The following WDR72 variants were observed in gnomAD, a reference collection of about 807,000 sequenced individuals.
WDR72 encodes the protein WD repeat-containing protein 72.
Under a neutral mutation model 124.2 loss-of-function variants are expected in WDR72, and 120 were observed. That is an observed-to-expected ratio of 0.97 (90% CI 0.83 to 1.12). The LOEUF is 1.12. Among genes scored for constraint, WDR72 ranks in the 50% most tolerant of loss-of-function variants. The pLI is 0.00. For missense variants in WDR72, 1,387 were observed against 1,278.8 expected (o/e 1.08, Z -1.29); for synonymous variants, 452 against 441.7 (o/e 1.02, Z -0.29).
chr15:53,667,649 G>A (rs2015825978), intron 13 of WDR72, among the ~76,000 whole-genome samples: 1 of 152,034 alleles, frequency 6.6e-6, no homozygotes, highest in Non-Finnish European at 1.5e-5. Flanking sequence ...AAAATTCACT[G>A]TCTTTCTGAG....
At chr15:53,636,602 A>G (rs532947388) in intron 14 of WDR72, among the ~76,000 whole-genome samples, 116 of 152,330 alleles carry the variant, frequency 7.6e-4, no homozygotes, top group African/African-American at 2.7e-3. Flanking sequence ...TCAACTGTCT[A>G]TTCTTCATTA....
In WDR72 at chr15:53,582,797, T is replaced by A. The variant is rs180961969; in HGVS notation, c.3148+14282A>T. On this transcript the variant is annotated intron_variant, in intron 18 of 19. Transcript: ENST00000360509. The stretch of plus-strand genomic sequence containing the variant: ...AATGACTATTTTCAATTTATAAACA[T>A]CGTACATTCATCAAACTATATTTTT... Among the ~76,000 whole-genome samples the A allele has an allele frequency of 2.9e-4, 44 of 152,070 alleles. No individual in the cohort carries two copies. In the East Asian group the frequency reaches 8.3e-3, roughly 29 times the overall value.
chr15:53,538,157 T>C (rs1209780241), intron 18 of WDR72, among the ~76,000 whole-genome samples: 1 of 152,210 alleles, frequency 6.6e-6, no homozygotes, highest in Non-Finnish European at 1.5e-5. Context: ...TATGGTGATA[T>C]ACTTTACATA....
intron 18 of WDR72, among the ~76,000 whole-genome samples, chr15:53,525,410 G>A (rs1362468756): frequency 3.9e-5 from 6 of 152,004 alleles, no homozygotes; most frequent in Non-Finnish European, 5.9e-5. Flanking sequence ...CATTGCACTT[G>A]CCATCCAACA....
At chr15:53,644,404 A>G (rs2014967181) in intron 14 of WDR72, among the ~76,000 whole-genome samples, 1 of 152,092 alleles carries the variant, frequency 6.6e-6, no homozygotes, top group Admixed American at 6.6e-5. Flanking sequence ...GAAACCAGTA[A>G]CTATTTTTTA....
intron 1 of WDR72, among the ~76,000 whole-genome samples, chr15:53,744,880 G>A (rs532491821): frequency 2.0e-5 from 3 of 152,296 alleles, no homozygotes; most frequent in African/African-American, 7.2e-5. Flanking sequence ...TGCTCTGGAA[G>A]AAGTATATTC....
At chr15:53,616,522 C>T (rs140191525) in intron 14 of WDR72, among the ~76,000 whole-genome samples, 16 of 151,842 alleles carry the variant, frequency 1.1e-4, no homozygotes, top group African/African-American at 3.9e-4. Context: ...AGATTAACAT[C>T]CTTTAATATA....
chr15:53,703,511 A>C (rs2017248194), intron 11 of WDR72, among the ~76,000 whole-genome samples: 1 of 151,754 alleles, frequency 6.6e-6, no homozygotes, highest in Non-Finnish European at 1.5e-5. Context: ...CAGATGTTAC[A>C]TCTGAAAATT....
In WDR72 at chr15:53,733,080, T is replaced by C. The variant is rs765315707; in HGVS notation, c.70A>G (p.Met24Val). Reference protein sequence around the residue: ...KAPPHSITAIMITDDQRTIVT... With the variant: ...KAPPHSITAIVITDDQRTIVT... ...ATCGTTCGCTGGTCATCAGTGATCA[T>C]GATGGCAGTGATGCTGTGGGGAGGG... The change falls in exon 2 of 20, where the codon ATG becomes GTG. Residue 24 changes from methionine (M) to valine (V), a missense_variant. By Grantham distance (21) the Met-to-Val change is conservative (BLOSUM62 1). Transcript: ENST00000360509. The C allele has an allele frequency of 6.2e-7, 1 of 1,614,082 alleles. No individual in the cohort carries two copies. The highest frequency in any genetic ancestry group is 8.5e-7 in the Non-Finnish European group (1 of 1,179,970).
At chr15:53,595,197 G>T (rs2012713540) in intron 18 of WDR72, among the ~76,000 whole-genome samples, 1 of 151,958 alleles carries the variant, frequency 6.6e-6, no homozygotes, top group African/African-American at 2.4e-5. Context: ...GGCAAAAAAA[G>T]GACTATTCAA....
intron 14 of WDR72, among the ~76,000 whole-genome samples, chr15:53,619,372 C>A (rs566279441): frequency 6.6e-6 from 1 of 151,366 alleles, no homozygotes; most frequent in East Asian, 2.0e-4. Context: ...TTTGTGAATA[C>A]CAGGTATCCA....
intron 19 of WDR72, among the ~76,000 whole-genome samples, chr15:53,518,879 T>A (rs1397992752): frequency 2.6e-5 from 4 of 151,920 alleles, no homozygotes; most frequent in African/African-American, 9.7e-5. Flanking sequence ...TTGACAATGA[T>A]GTATATAGAT....
intron 13 of WDR72, among the ~76,000 whole-genome samples, chr15:53,692,281 C>A (rs760856838): frequency 2.0e-5 from 3 of 152,084 alleles, no homozygotes; most frequent in Non-Finnish European, 4.4e-5. Context: ...GGAGGGAAAC[C>A]ATATGTGATA....
intron 18 of WDR72, among the ~76,000 whole-genome samples, chr15:53,553,093 G>A (rs377142448): frequency 2.0e-5 from 3 of 152,102 alleles, no homozygotes; most frequent in South Asian, 2.1e-4. Flanking sequence ...CCACAGCAAT[G>A]ATTCAGAATA....
intron 1 of WDR72, among the ~76,000 whole-genome samples, chr15:53,741,838 C>T (rs187603073): frequency 5.9e-5 from 9 of 152,166 alleles, no homozygotes; most frequent in African/African-American, 1.9e-4. Flanking sequence ...AGCGATTCTC[C>T]TGTCTCAGCC....
At chr15:53,692,148 AC>A (rs2140505469) in intron 13 of WDR72, among the ~76,000 whole-genome samples, 1 of 152,320 alleles carries the variant, frequency 6.6e-6, no homozygotes, top group African/African-American at 2.4e-5. Context: ...CCACAGGAAT[AC>A]TTATCAGTAC....
intron 14 of WDR72, among the ~76,000 whole-genome samples, chr15:53,637,141 T>C (rs2014654112): frequency 6.6e-6 from 1 of 152,222 alleles, no homozygotes; most frequent in African/African-American, 2.4e-5. Flanking sequence ...TAACATGTTT[T>C]TGAGATTCAT....
intron 13 of WDR72, among the ~76,000 whole-genome samples, chr15:53,680,228 A>G (rs1246944486): frequency 6.6e-6 from 1 of 152,188 alleles, no homozygotes; most frequent in African/African-American, 2.4e-5. Context: ...GCTCCTATTT[A>G]TATCTATACA....
intron 2 of WDR72, 147 bp from the exon 3 acceptor site, chr15:53,723,055 A>T: frequency 1.1e-5 from 8 of 739,792 alleles, no homozygotes; most frequent in Non-Finnish European, 1.9e-5. Context: ...TGTAATAACA[A>T]CATCCACAGA....
Sources: gnomAD v4.1 joint callset for allele counts (sites outside exome capture counted in the v4.1 genomes callset) on GRCh38, gnomAD v4.1.1 for gene constraint, MANE v1.5 for transcripts, NCBI Gene and HGNC (gene_info 2026-07-23, HGNC 2026-07-21) for gene names.